Variants in TLK2 observed in about 807,000 individuals in gnomAD.
The protein encoded by TLK2 is serine/threonine-protein kinase tousled-like 2.
Under a neutral mutation model 117.3 loss-of-function variants are expected in TLK2, and 6 were observed. The ratio of observed to expected loss-of-function variants is 0.05; its 90% CI spans 0.03 to 0.10. TLK2 has a LOEUF of 0.10. TLK2 is among the 10% of genes least tolerant of loss of function. The pLI is 1.00. For missense variants in TLK2, 299 were observed against 901.2 expected (o/e 0.33, Z 8.56); for synonymous variants, 257 against 316.7 (o/e 0.81, Z 2.00).
intron 21 of TLK2, among the ~76,000 whole-genome samples, chr17:62,611,181 G>C (rs947918517): frequency 6.6e-6 from 1 of 152,170 alleles, no homozygotes; most frequent in Admixed American, 6.5e-5. Flanking sequence ...TTTAAGCCAA[G>C]ATAACCTGTT....
chr17:62,520,627 A>C (rs1452953241), intron 2 of TLK2, 146 bp from the exon 3 acceptor site: 3 of 689,358 alleles, frequency 4.4e-6, no homozygotes, highest in Middle Eastern at 1.0e-3. Flanking sequence ...CAGTGAGCCG[A>C]GATCACGCCA....
At chr17:62,508,677 A>G in intron 2 of TLK2, 3 of 685,086 alleles carry the variant, frequency 4.4e-6, no homozygotes, top group Non-Finnish European at 5.4e-6. Context: ...CATAAAAATC[A>G]GAATAGGGGC....
At position 62,592,304 on chromosome 17, in the gene TLK2, A is replaced by G. The variant is rs1188143800; in HGVS notation, c.1461-4281A>G. Among the ~76,000 whole-genome samples, 6 of 152,204 alleles carry G rather than the reference A, an allele frequency of 3.9e-5. No homozygotes were observed. The East Asian group carries it at 1.2e-3, about 29-fold the overall frequency. On this transcript the variant is annotated intron_variant, in intron 16 of 21. Transcript: ENST00000346027. ...GTATTGGTAATTACATTGTGTAAGCATATTCTGTTCTTCTAAAATTCAGAA... is the reference window on the plus strand; with the variant it reads ...GTATTGGTAATTACATTGTGTAAGCGTATTCTGTTCTTCTAAAATTCAGAA...
chr17:62,531,412 C>T (rs2076732584), intron 6 of TLK2, among the ~76,000 whole-genome samples: 1 of 152,244 alleles, frequency 6.6e-6, no homozygotes, highest in South Asian at 2.1e-4. Context: ...AATTACATTT[C>T]CTGCAGATAT....
rs548896402 is a variant in TLK2, at chr17:62,491,505, A to G, written c.81+10299A>G. 2.6e-5 allele frequency among the ~76,000 whole-genome samples: 4 copies of G among 152,196 alleles called. No homozygotes were observed. The South Asian group carries it at 8.3e-4, about 32-fold the overall frequency. On this transcript the variant is annotated intron_variant, in intron 2 of 21. Coordinates refer to ENST00000346027, the MANE Select transcript of TLK2 (RefSeq NM_006852.6). The stretch of plus-strand genomic sequence containing the variant: ...TCCTCCTGGTGGTATGTTTCACTTG[A>G]TCCTGGCTACTACTAGATGTGATGG...
At chr17:62,530,801 A>G (rs1295697306) in intron 6 of TLK2, among the ~76,000 whole-genome samples, 2 of 151,850 alleles carry the variant, frequency 1.3e-5, no homozygotes, top group African/African-American at 2.4e-5. Context: ...CTAGAGATTA[A>G]CTCTCTAGGT....
intron 16 of TLK2, among the ~76,000 whole-genome samples, chr17:62,588,818 G>A (rs1169267304): frequency 1.3e-5 from 2 of 152,154 alleles, no homozygotes; most frequent in Admixed American, 6.5e-5. Flanking sequence ...GTCATTAACT[G>A]CTTTGAACTA....
intron 2 of TLK2, among the ~76,000 whole-genome samples, chr17:62,505,700 T>G (rs1246774658): frequency 6.6e-6 from 1 of 152,174 alleles, no homozygotes; most frequent in Non-Finnish European, 1.5e-5. Flanking sequence ...TTGGGTGGAA[T>G]GTTGACTCCT....
chr17:62,546,315 G>A (rs1311312813), intron 7 of TLK2, among the ~76,000 whole-genome samples: 10 of 140,052 alleles, frequency 7.1e-5, no homozygotes, highest in Non-Finnish European at 1.2e-4. Flanking sequence ...ACCCGGCTGA[G>A]AAAGTTCCCT....
intron 12 of TLK2, among the ~76,000 whole-genome samples, chr17:62,574,020 C>T (rs7210758): frequency 0.65 from 98,708 of 152,112 alleles, 32,184 homozygotes; most frequent in East Asian, 0.81. Context: ...CTCCATTCTT[C>T]TCTTCCTTTC....
At chr17:62,491,348 A>G (rs1306441150) in intron 2 of TLK2, among the ~76,000 whole-genome samples, 1 of 152,172 alleles carries the variant, frequency 6.6e-6, no homozygotes, top group Non-Finnish European at 1.5e-5. Context: ...TTTTATTTTT[A>G]AGAAAGGCCA....
chr17:62,552,415 A>G lies in TLK2; in HGVS notation c.627+18A>G. 1 of 1,614,132 alleles carries G rather than the reference A, an allele frequency of 6.2e-7. No individual in the cohort carries two copies. Among genetic ancestry groups the G allele is most frequent in the Admixed American group, 1.7e-5 (1 of 60,012 alleles). On this transcript the variant is annotated intron_variant, in intron 8 of 21. Coordinates refer to ENST00000346027, the MANE Select transcript of TLK2 (RefSeq NM_006852.6). ...AGACCCAGGTAGGTTGGTGATCGAT[A>G]ATCAATTGAGGGGCATACCTGCTGT...
intron 9 of TLK2, among the ~76,000 whole-genome samples, chr17:62,557,555 G>A (rs571895463): frequency 2.0e-5 from 3 of 152,112 alleles, no homozygotes; most frequent in Non-Finnish European, 2.9e-5. Flanking sequence ...TTCATTGTTC[G>A]GATATGTATA....
At chr17:62,534,911 T>TA (rs1445836940) in intron 6 of TLK2, among the ~76,000 whole-genome samples, 3 of 123,488 alleles carry the variant, frequency 2.4e-5, no homozygotes, top group South Asian at 2.8e-4. Context: ...TTTTTGGAGA[T>TA]AGAGTCGCTC....
chr17:62,517,031 G>A (rs1362736024), intron 2 of TLK2, among the ~76,000 whole-genome samples: 1 of 151,884 alleles, frequency 6.6e-6, no homozygotes. Flanking sequence ...TCAGCCACCC[G>A]AGTAGCTGGG....
intron 12 of TLK2, chr17:62,574,312 G>C: frequency 6.5e-7 from 1 of 1,536,410 alleles, no homozygotes; most frequent in Non-Finnish European, 8.7e-7. Context: ...TGTTCGTTTA[G>C]TAAGTTTATG....
chr17:62,484,892 TA>T (rs1182791150), intron 2 of TLK2, among the ~76,000 whole-genome samples: 1 of 151,774 alleles, frequency 6.6e-6, no homozygotes, highest in Admixed American at 6.6e-5. Context: ...CCATCTCTAT[TA>T]AAAAATACAA....
chr17:62,534,479 G>A (rs1310324920), intron 6 of TLK2, among the ~76,000 whole-genome samples: 1 of 152,094 alleles, frequency 6.6e-6, no homozygotes, highest in Non-Finnish European at 1.5e-5. Context: ...ACAGATTTTT[G>A]TTTGCTACTT....
intron 11 of TLK2, among the ~76,000 whole-genome samples, chr17:62,569,174 G>A (rs138296101): frequency 2.2e-4 from 33 of 151,184 alleles, no homozygotes; most frequent in Admixed American, 5.3e-4. Context: ...GCATGGTGGC[G>A]TGCACCTATA....
Sources: gnomAD v4.1 joint callset for allele counts (sites outside exome capture counted in the v4.1 genomes callset) on GRCh38, gnomAD v4.1.1 for gene constraint, MANE v1.5 for transcripts, NCBI Gene and HGNC (gene_info 2026-07-23, HGNC 2026-07-21) for gene names.